The following SLC24A2 variants were observed in gnomAD, a reference collection of about 807,000 sequenced individuals.
SLC24A2 encodes the protein sodium/potassium/calcium exchanger 2.
A neutral mutation model predicts 62.0 loss-of-function variants in SLC24A2; 36 were observed. That is an observed-to-expected ratio of 0.58 (90% CI 0.44 to 0.77). SLC24A2 has a LOEUF of 0.77. Ranked by LOEUF, SLC24A2 falls within the 30% of genes least tolerant of loss-of-function variation. The pLI, the probability that SLC24A2 is intolerant of heterozygous loss-of-function variation, is 0.00. For synonymous variants in SLC24A2, 358 were observed against 294.0 expected (o/e 1.22, Z -2.23); for missense variants, 846 against 817.9 (o/e 1.03, Z -0.42).
At chr9:20,237,000 C>A in the SLC24A2 span, among the ~76,000 whole-genome samples, 1 of 152,022 alleles carries the variant, frequency 6.6e-6, no homozygotes, top group South Asian at 2.1e-4. Flanking sequence ...AATAAGCAAG[C>A]AGAAGCCAGG....
chr9:19,981,532 T>C, the SLC24A2 span, among the ~76,000 whole-genome samples: 1 of 152,182 alleles, frequency 6.6e-6, no homozygotes, highest in Non-Finnish European at 1.5e-5. Context: ...CTCAAAACAG[T>C]AATTGTATTT....
In SLC24A2 at chr9:19,565,426, G is replaced by T. The variant is rs201897923; in HGVS notation, c.1347+7925C>A. On this transcript the variant is annotated intron_variant, in intron 7 of 10. Transcript: ENST00000341998. Reference sequence around the variant, plus strand: ...CTTACAAGGGATGTGAAGGACCTCTGCAAGGAGAACTACAAACCACTGCTC... The same window carrying T: ...CTTACAAGGGATGTGAAGGACCTCTTCAAGGAGAACTACAAACCACTGCTC... 3.6e-3 allele frequency among the ~76,000 whole-genome samples: 548 copies of T among 150,690 alleles called. 8 individuals are homozygous for T. The highest frequency in any genetic ancestry group is 0.013 in the African/African-American group (520 of 40,800).
the SLC24A2 span, among the ~76,000 whole-genome samples, chr9:19,944,938 T>A: frequency 6.6e-6 from 1 of 152,196 alleles, no homozygotes; most frequent in Non-Finnish European, 1.5e-5. Context: ...TCTGTTTGAT[T>A]CACCCTGTAT....
At chr9:19,837,037 C>T in the SLC24A2 span, among the ~76,000 whole-genome samples, 4 of 152,238 alleles carry the variant, frequency 2.6e-5, no homozygotes, top group African/African-American at 9.6e-5. Context: ...ACCCTTCATG[C>T]TAAAAACTCT....
chr9:19,785,955 T>C lies in SLC24A2; in HGVS notation c.912A>G (p.Ala304=), dbSNP rs1823151279. The C allele has an allele frequency of 1.9e-6, 3 of 1,614,230 alleles. No homozygotes were observed. Among genetic ancestry groups the C allele is most frequent in the Non-Finnish European group, 2.5e-6 (3 of 1,180,024 alleles). ...CACCAACCTTTGCTTGGGCTTCTGG[T>C]GCTGTCACCTTGACGACCTTATTGC... is the stretch of plus-strand genomic sequence containing the variant. ...INRNKVVKVT[A]PEAQAKPSAA... The change falls in exon 2 of 11, where the codon GCA becomes GCG. Residue 304 remains alanine (A), a synonymous_variant. Coordinates refer to ENST00000341998, the MANE Select transcript of SLC24A2 (RefSeq NM_020344.4).
the SLC24A2 span, among the ~76,000 whole-genome samples, chr9:20,247,936 GAGTTATTACATACAA>G: frequency 1.3e-5 from 2 of 152,170 alleles, no homozygotes; most frequent in Non-Finnish European, 2.9e-5. Flanking sequence ...TATGAGAATT[GAGTTATTACATACAA>G]AGGGCTTAGA....
the SLC24A2 span, among the ~76,000 whole-genome samples, chr9:19,965,524 G>C: frequency 6.6e-6 from 1 of 152,330 alleles, no homozygotes; most frequent in African/African-American, 2.4e-5. Flanking sequence ...TGGTGTGTGT[G>C]ATGCGTAGCA....
chr9:20,030,383 G>C, the SLC24A2 span, among the ~76,000 whole-genome samples: 1 of 152,200 alleles, frequency 6.6e-6, no homozygotes, highest in Non-Finnish European at 1.5e-5. Context: ...GGTCTGGAGA[G>C]AGCTGCTACG....
chr9:19,513,188 A>ATATATATATATATG lies in SLC24A2; in HGVS notation c.*2964_*2965insCATATATATATATA, dbSNP rs1231507740. 6.6e-4 allele frequency: 93 copies of ATATATATATATATG among 140,330 alleles called. No homozygotes were observed. The highest frequency in any genetic ancestry group is 1.2e-3 in the Non-Finnish European group (78 of 65,716). The allele number at this position is 140,330 out of a possible 1,614,324, so 8.7% of individuals were successfully genotyped here. On this transcript the variant is annotated 3_prime_UTR_variant, in exon 11 of 11. Transcript: ENST00000341998. Reference sequence around the variant, plus strand: ...TATATATATATATGTATATATATATATATGTATATATTTATATATGTATAT... The same window carrying ATATATATATATATG: ...TATATATATATATGTATATATATATATATATATATATATGTATGTATATATTTATATATGTATAT...
the SLC24A2 span, among the ~76,000 whole-genome samples, chr9:19,894,326 T>A: frequency 1.3e-5 from 2 of 152,206 alleles, no homozygotes; most frequent in Non-Finnish European, 2.9e-5. Flanking sequence ...AGTCAGCCTC[T>A]GAGACACATG....
At chr9:20,290,174 G>A in the SLC24A2 span, among the ~76,000 whole-genome samples, 3 of 152,256 alleles carry the variant, frequency 2.0e-5, no homozygotes, top group Non-Finnish European at 4.4e-5. Flanking sequence ...AATCAATTTC[G>A]TTCTAGCCAT....
the SLC24A2 span, among the ~76,000 whole-genome samples, chr9:19,861,627 C>T: frequency 6.6e-6 from 1 of 152,076 alleles, no homozygotes; most frequent in Non-Finnish European, 1.5e-5. Context: ...AGAGATATGT[C>T]ACCTTTCAGA....
At chr9:19,625,442 G>T (rs982957611) in intron 2 of SLC24A2, among the ~76,000 whole-genome samples, 4 of 152,082 alleles carry the variant, frequency 2.6e-5, no homozygotes, top group Admixed American at 6.6e-5. Flanking sequence ...CATCCTGAAG[G>T]TCTCAGATCA....
At chr9:19,955,738 TC>T in the SLC24A2 span, among the ~76,000 whole-genome samples, 2 of 152,116 alleles carry the variant, frequency 1.3e-5, 1 homozygote, top group South Asian at 4.2e-4. Context: ...CTCCATCCTC[TC>T]CCAAAAAAAG....
chr9:20,176,578 A>C, the SLC24A2 span, among the ~76,000 whole-genome samples: 750 of 152,232 alleles, frequency 4.9e-3, 9 homozygotes, highest in African/African-American at 0.017. Context: ...CTGGAAACAC[A>C]GTGTACTATC....
the SLC24A2 span, among the ~76,000 whole-genome samples, chr9:20,290,578 G>C: frequency 2.6e-3 from 390 of 152,342 alleles, 4 homozygotes; most frequent in African/African-American, 9.0e-3. Context: ...TTTAGCGGCT[G>C]GAATGAGTCT....
At chr9:19,744,604 C>T (rs2118781742) in intron 2 of SLC24A2, among the ~76,000 whole-genome samples, 1 of 152,196 alleles carries the variant, frequency 6.6e-6, no homozygotes, top group Non-Finnish European at 1.5e-5. Flanking sequence ...AAGGAAGACC[C>T]CAAGTTGTAT....
At position 19,665,143 on chromosome 9, in the gene SLC24A2, G is replaced by A. The variant is rs552792529; in HGVS notation, c.931-42844C>T. 2.6e-5 allele frequency among the ~76,000 whole-genome samples: 4 copies of A among 152,314 alleles called. No individual in the cohort carries two copies. The East Asian group carries it at 7.7e-4, about 29-fold the overall frequency. On this transcript the variant is annotated intron_variant, in intron 2 of 10. Transcript: ENST00000341998. ...TGCTCTTGAGGAAAGCCGGTGAGAAGCAGTAGACAGGGGAATGACACCATC... is the reference window on the plus strand; with the variant it reads ...TGCTCTTGAGGAAAGCCGGTGAGAAACAGTAGACAGGGGAATGACACCATC...
chr9:19,636,324 T>TTTTCTTTTCTTTTCTTTTCTC (rs1564009773), intron 2 of SLC24A2, among the ~76,000 whole-genome samples: 1 of 15,024 alleles, frequency 6.7e-5, no homozygotes, highest in African/African-American at 3.1e-4. Context: ...CTTTTCTTTC[T>TTTTCTTTTCTTTTCTTTTCTC]TTCTTTCTTT....
Sources: allele counts gnomAD v4.1 joint callset (sites outside exome capture counted in the v4.1 genomes callset), GRCh38; gene constraint gnomAD v4.1.1; transcripts MANE v1.5; gene names NCBI Gene and HGNC (gene_info 2026-07-23, HGNC 2026-07-21).